NKAIN2: variants seen among roughly 807,000 people sequenced by gnomAD.
NKAIN2 encodes the protein sodium/potassium-transporting ATPase subunit beta-1-interacting protein 2.
In NKAIN2, 14 loss-of-function variants were observed where a neutral mutation model predicts 32.6. The observed-to-expected ratio is 0.43, with a 90% confidence interval of 0.28 to 0.67. NKAIN2 has a LOEUF of 0.67. Among genes scored for constraint, NKAIN2 ranks in the 30% least tolerant of loss-of-function variants. The probability of loss-of-function intolerance (pLI) is 0.17; values close to 1 mark genes in which losing one functional copy is unlikely to be tolerated. For missense variants in NKAIN2, 198 were observed against 258.3 expected (o/e 0.77, Z 1.60); for synonymous variants, 80 against 87.2 (o/e 0.92, Z 0.46).
chr6:124,112,246 G>A (rs895159487), intron 1 of NKAIN2, among the ~76,000 whole-genome samples: 2 of 152,026 alleles, frequency 1.3e-5, no homozygotes, highest in Admixed American at 6.6e-5. Context: ...AGGCAGGTCC[G>A]GTGTTGATGA....
At chr6:124,012,132 A>G (rs1184836316) in intron 1 of NKAIN2, among the ~76,000 whole-genome samples, 1 of 152,102 alleles carries the variant, frequency 6.6e-6, no homozygotes, top group Non-Finnish European at 1.5e-5. Flanking sequence ...ATAGCATGAA[A>G]TCATTACCAT....
At chr6:123,973,434 C>T (rs1467685617) in intron 1 of NKAIN2, among the ~76,000 whole-genome samples, 1 of 151,994 alleles carries the variant, frequency 6.6e-6, no homozygotes, top group East Asian at 1.9e-4. Flanking sequence ...AGGCATAGAA[C>T]CTTTTATAGC....
At chr6:124,646,124 T>A in intron 3 of NKAIN2, among the ~76,000 whole-genome samples, 1 of 152,298 alleles carries the variant, frequency 6.6e-6, no homozygotes, top group African/African-American at 2.4e-5. Flanking sequence ...ATTTACTTAT[T>A]TATTTAGTGA....
At chr6:124,440,634 T>A (rs945268284) in intron 3 of NKAIN2, among the ~76,000 whole-genome samples, 4 of 152,122 alleles carry the variant, frequency 2.6e-5, no homozygotes, top group African/African-American at 9.7e-5. Context: ...GATTCCTTGA[T>A]CCACTGTGTA....
At chr6:124,590,259 C>T (rs538439895) in intron 3 of NKAIN2, among the ~76,000 whole-genome samples, 2 of 152,294 alleles carry the variant, frequency 1.3e-5, no homozygotes, top group South Asian at 2.1e-4. Context: ...TGGTGCCTCA[C>T]ATCTAGTGTC....
In NKAIN2 at chr6:123,883,336, A is replaced by G. The variant is rs1038579188; in HGVS notation, c.54+79082A>G. ...ATTTTTTTGTATTTTTAGTAGAGAC[A>G]GGGTTTCACCGTGTTAGCCAGGATG... On this transcript the variant is annotated intron_variant, in intron 1 of 6. Coordinates refer to ENST00000368417, the MANE Select transcript of NKAIN2 (RefSeq NM_001040214.3). Among the ~76,000 whole-genome samples, 69 of 151,948 alleles carry G rather than the reference A, an allele frequency of 4.5e-4. 3 individuals are homozygous for G. Among genetic ancestry groups the G allele is most frequent in the East Asian group, 3.9e-4 (2 of 5,122 alleles).
intron 1 of NKAIN2, among the ~76,000 whole-genome samples, chr6:123,943,844 C>G (rs1275104357): frequency 6.6e-6 from 1 of 151,980 alleles, no homozygotes; most frequent in Non-Finnish European, 1.5e-5. Flanking sequence ...TTTAATAATA[C>G]CATTTTAATT....
chr6:124,156,692 G>GA (rs764436111), intron 1 of NKAIN2, among the ~76,000 whole-genome samples: 3 of 152,002 alleles, frequency 2.0e-5, no homozygotes, highest in Non-Finnish European at 4.4e-5. Context: ...TCAAGAAAGT[G>GA]AAAAAATCTC....
chr6:124,178,785 C>T (rs954548946), intron 1 of NKAIN2, among the ~76,000 whole-genome samples: 5 of 152,094 alleles, frequency 3.3e-5, no homozygotes, highest in African/African-American at 1.2e-4. Context: ...TCTATGCTTC[C>T]CACTTGACTG....
rs149130145 is a variant in NKAIN2 at position 124,182,850 on chromosome 6, G to A, written c.55-100155G>A. 5.3e-5 allele frequency among the ~76,000 whole-genome samples: 8 copies of A among 152,102 alleles called. No individual in the cohort carries two copies. In the East Asian group the frequency reaches 1.5e-3, roughly 29 times the overall value. ...GTAGCTCAGACAGATATATATATAG[G>A]CAAACATACAGATGAGAAGTCTGAA... On this transcript the variant is annotated intron_variant, in intron 1 of 6. Coordinates refer to ENST00000368417, the MANE Select transcript of NKAIN2 (RefSeq NM_001040214.3).
intron 4 of NKAIN2, among the ~76,000 whole-genome samples, chr6:124,700,870 T>C (rs188702458): frequency 3.5e-5 from 4 of 114,790 alleles, no homozygotes; most frequent in Admixed American, 1.8e-4. Context: ...GTCTCTTTCC[T>C]GACACACACA....
intron 4 of NKAIN2, among the ~76,000 whole-genome samples, chr6:124,772,539 C>T (rs938639375): frequency 2.0e-5 from 3 of 152,156 alleles, no homozygotes; most frequent in Admixed American, 6.6e-5. Flanking sequence ...CATGTGCAGG[C>T]ATGATTTTAA....
At chr6:124,377,607 C>T (rs1472132758) in intron 3 of NKAIN2, among the ~76,000 whole-genome samples, 1 of 151,898 alleles carries the variant, frequency 6.6e-6, no homozygotes, top group Admixed American at 6.6e-5. Flanking sequence ...ACTTCACTGG[C>T]CAGGAGAGCA....
At chr6:124,566,323 A>C (rs1478419621) in intron 3 of NKAIN2, among the ~76,000 whole-genome samples, 1 of 152,092 alleles carries the variant, frequency 6.6e-6, no homozygotes, top group Non-Finnish European at 1.5e-5. Flanking sequence ...TGTCCTCACC[A>C]TTCCTTGTGA....
At chr6:124,566,123 G>A (rs748458235) in intron 3 of NKAIN2, among the ~76,000 whole-genome samples, 4 of 152,144 alleles carry the variant, frequency 2.6e-5, no homozygotes, top group Admixed American at 6.5e-5. Flanking sequence ...AAGCCAACTG[G>A]CAATTACTAT....
chr6:123,923,642 G>T (rs527878684), intron 1 of NKAIN2, among the ~76,000 whole-genome samples: 1 of 151,450 alleles, frequency 6.6e-6, no homozygotes, highest in East Asian at 1.9e-4. Context: ...TCCTTTGTAG[G>T]GACATGGATG....
chr6:124,306,060 T>C (rs1523980), intron 2 of NKAIN2, among the ~76,000 whole-genome samples: 61,031 of 152,042 alleles, frequency 0.4, 17,332 homozygotes, highest in African/African-American at 0.8. Flanking sequence ...GATTAGTTTA[T>C]TGGATGTTTA....
intron 3 of NKAIN2, among the ~76,000 whole-genome samples, chr6:124,397,863 A>T (rs1479682365): frequency 1.3e-5 from 2 of 152,142 alleles, no homozygotes; most frequent in African/African-American, 4.8e-5. Flanking sequence ...TTAAAATTAG[A>T]TTAGCTTCAT....
intron 1 of NKAIN2, among the ~76,000 whole-genome samples, chr6:124,127,889 C>G (rs571493492): frequency 6.6e-6 from 1 of 151,960 alleles, no homozygotes; most frequent in African/African-American, 2.4e-5. Context: ...GTGCAGTGCG[C>G]GATCTTGGCT....
Sources: gnomAD v4.1 joint callset for allele counts (sites outside exome capture counted in the v4.1 genomes callset) on GRCh38, gnomAD v4.1.1 for gene constraint, MANE v1.5 for transcripts, NCBI Gene and HGNC (gene_info 2026-07-23, HGNC 2026-07-21) for gene names.